The following GNA14 variants were observed in gnomAD, a reference collection of about 807,000 sequenced individuals.
GNA14 encodes the protein G protein subunit alpha 14.
In GNA14, 50 loss-of-function variants were observed where a neutral mutation model predicts 42.0. The observed-to-expected ratio is 1.19, with a 90% confidence interval of 0.95 to 1.51. GNA14 has a LOEUF of 1.51. GNA14 is among the 40% of genes most tolerant of loss of function. GNA14 has a pLI of 0.00. For synonymous variants in GNA14, 173 were observed against 163.1 expected, an observed-to-expected ratio of 1.06 and a Z score of -0.46; for missense variants, 473 against 446.2, an observed-to-expected ratio of 1.06 and a Z score of -0.54.
Position 77,647,785 on chromosome 9 carries a change from G to C in GNA14, c.9C>G (p.Gly3=). Residue 3 remains glycine, a synonymous_variant, in exon 1 of 7, where the codon GGC becomes GGG. Coordinates refer to ENST00000341700, the MANE Select transcript of GNA14 (RefSeq NM_004297.4). ...TCTCCTCCGCGGACAGGCAGCAGCA[G>C]CCGGCCATGGTGCGCTCAGCTCAGT... MA[G]CCCLSAEEKE... is the part of the protein sequence containing the mutation. 6.2e-7 allele frequency: 1 copy of C among 1,608,542 alleles called. No homozygotes were observed. The highest frequency in any genetic ancestry group is 2.2e-5 in the East Asian group (1 of 44,768).
At chr9:77,424,214 C>T (rs1835418468) in intron 6 of GNA14, 45 bp from the exon 7 acceptor site, 1 of 1,348,556 alleles carries the variant, frequency 7.4e-7, no homozygotes, top group Non-Finnish European at 1.0e-6. Flanking sequence ...AGACTTAACA[C>T]CATGTCCTCC....
intron 3 of GNA14, among the ~76,000 whole-genome samples, chr9:77,432,436 C>T (rs1835571771): frequency 6.6e-6 from 1 of 152,202 alleles, no homozygotes; most frequent in Non-Finnish European, 1.5e-5. Context: ...ATTTGATTTA[C>T]ACCTGAGTTG....
intron 1 of GNA14, among the ~76,000 whole-genome samples, chr9:77,595,274 TGAG>T (rs1023998272): frequency 1.3e-5 from 2 of 152,202 alleles, no homozygotes; most frequent in Non-Finnish European, 2.9e-5. Context: ...ATCAAGGAAT[TGAG>T]GAGACTAGGT....
intron 1 of GNA14, among the ~76,000 whole-genome samples, chr9:77,633,059 T>C (rs942888151): frequency 2.0e-5 from 3 of 152,200 alleles, no homozygotes; most frequent in African/African-American, 4.8e-5. Context: ...CCAGGCACTA[T>C]ACAAGTTGCT....
At chr9:77,509,355 G>A (rs756922011) in intron 2 of GNA14, among the ~76,000 whole-genome samples, 18 of 152,252 alleles carry the variant, frequency 1.2e-4, no homozygotes, top group African/African-American at 3.1e-4. Flanking sequence ...ATCCACTGAC[G>A]GGCATGTGGG....
rs1171778222 is a variant in GNA14 at position 77,571,752 on chromosome 9, C to T, written c.125-42499G>A. On this transcript the variant is annotated intron_variant, in intron 1 of 6. Coordinates refer to ENST00000341700, the MANE Select transcript of GNA14 (RefSeq NM_004297.4). ...CCTGGGCAACAAGAGCAAACCTCTG[C>T]CTTCAAAAAAAAAAAAAAAGGTTAA... Among the ~76,000 whole-genome samples, 5 of 106,754 alleles carry T rather than the reference C, an allele frequency of 4.7e-5. No individual in the cohort carries two copies. In the East Asian group the frequency reaches 2.1e-3, roughly 45 times the overall value. The allele number at this position is 106,754 out of a possible 152,430, so 70.0% of individuals were successfully genotyped here. A position where few individuals can be genotyped will look rare whatever the true frequency, so the allele number is the denominator to read the frequency against.
intron 2 of GNA14, among the ~76,000 whole-genome samples, chr9:77,507,916 T>C (rs1417576451): frequency 1.3e-5 from 2 of 152,140 alleles, no homozygotes; most frequent in East Asian, 3.9e-4. Flanking sequence ...GAAAGTGTTA[T>C]CATATTGGCC....
chr9:77,489,090 G>C (rs890645394), intron 2 of GNA14, among the ~76,000 whole-genome samples: 1 of 151,968 alleles, frequency 6.6e-6, no homozygotes, highest in Non-Finnish European at 1.5e-5. Flanking sequence ...AAATAATAAA[G>C]AATCAATCAA....
At chr9:77,502,731 G>A (rs1360675863) in intron 2 of GNA14, among the ~76,000 whole-genome samples, 2 of 152,172 alleles carry the variant, frequency 1.3e-5, no homozygotes, top group African/African-American at 2.4e-5. Flanking sequence ...CTCTGACACT[G>A]CCCAAGAAGG....
intron 1 of GNA14, among the ~76,000 whole-genome samples, chr9:77,603,943 C>CAAAA (rs1289614764): frequency 7.5e-4 from 30 of 40,184 alleles, no homozygotes; most frequent in African/African-American, 2.3e-3. Flanking sequence ...GACTCCATCT[C>CAAAA]AAAAAAAAAA....
chr9:77,460,465 TAA>T (rs1172571405), intron 2 of GNA14, among the ~76,000 whole-genome samples: 2 of 152,240 alleles, frequency 1.3e-5, no homozygotes, highest in African/African-American at 4.8e-5. Context: ...TCTGAGAGAA[TAA>T]AGTTCTGTTG....
At chr9:77,477,257 G>A (rs1401468710) in intron 2 of GNA14, among the ~76,000 whole-genome samples, 1 of 152,290 alleles carries the variant, frequency 6.6e-6, no homozygotes, top group African/African-American at 2.4e-5. Context: ...TGTGGTGGGA[G>A]GATTGCTTGA....
At chr9:77,431,562 T>C in intron 3 of GNA14, 113 bp from the exon 4 acceptor site, 3 of 898,652 alleles carry the variant, frequency 3.3e-6, no homozygotes, top group South Asian at 3.7e-5. Context: ...GACACACGAA[T>C]TCCATCAATG....
chr9:77,516,755 G>A (rs890021360), intron 2 of GNA14, among the ~76,000 whole-genome samples: 1 of 152,078 alleles, frequency 6.6e-6, no homozygotes, highest in South Asian at 2.1e-4. Context: ...GCAGGGGAAT[G>A]TAACACAGGT....
intron 1 of GNA14, among the ~76,000 whole-genome samples, chr9:77,581,932 A>G (rs892897490): frequency 6.6e-6 from 1 of 152,232 alleles, no homozygotes; most frequent in Non-Finnish European, 1.5e-5. Flanking sequence ...CGTGACATCA[A>G]CAGGAAGCTT....
intron 2 of GNA14, among the ~76,000 whole-genome samples, chr9:77,461,735 C>T (rs978022072): frequency 2.0e-4 from 29 of 143,312 alleles, no homozygotes; most frequent in African/African-American, 5.1e-4. Context: ...AATCAGCATG[C>T]GTTTACTGTT....
chr9:77,634,960 A>C (rs1039113008), intron 1 of GNA14, among the ~76,000 whole-genome samples: 2 of 151,466 alleles, frequency 1.3e-5, no homozygotes, highest in Non-Finnish European at 2.9e-5. Context: ...AGTTATTCAG[A>C]CATTGGAGCA....
chr9:77,467,271 G>T (rs2131718222), intron 2 of GNA14, among the ~76,000 whole-genome samples: 1 of 152,000 alleles, frequency 6.6e-6, no homozygotes, highest in South Asian at 2.1e-4. Context: ...CTGGGGTTTT[G>T]CTCTGAGGTC....
chr9:77,505,717 G>A (rs1837058662), intron 2 of GNA14, among the ~76,000 whole-genome samples: 1 of 152,180 alleles, frequency 6.6e-6, no homozygotes, highest in Non-Finnish European at 1.5e-5. Context: ...CCAGCAGAGA[G>A]GAAGGACTAC....
Sources: gnomAD v4.1 joint callset for allele counts (sites outside exome capture counted in the v4.1 genomes callset) on GRCh38, gnomAD v4.1.1 for gene constraint, MANE v1.5 for transcripts, NCBI Gene and HGNC (gene_info 2026-07-23, HGNC 2026-07-21) for gene names.